Variants in PKP4 observed in about 807,000 individuals in gnomAD.
The protein encoded by PKP4 is plakophilin 4, also known as plakophilin-4.
A neutral mutation model predicts 145.1 loss-of-function variants in PKP4; 90 were observed. The ratio of observed to expected loss-of-function variants is 0.62; its 90% CI spans 0.52 to 0.74. The LOEUF is 0.74. Ranked by LOEUF, PKP4 falls within the 30% of genes least tolerant of loss-of-function variation. PKP4 has a pLI of 0.00. For synonymous variants in PKP4, 563 were observed against 577.2 expected, an observed-to-expected ratio of 0.98 and a Z score of 0.35; for missense variants, 1,340 against 1,482.7, an observed-to-expected ratio of 0.90 and a Z score of 1.58.
intron 4 of PKP4, among the ~76,000 whole-genome samples, chr2:158,603,621 ACTGT>A (rs1219552062): frequency 9.9e-5 from 15 of 152,038 alleles, no homozygotes; most frequent in Admixed American, 3.3e-4. Flanking sequence ...CATTAAGGAG[ACTGT>A]CTGTCACTTA....
rs952785747 is a variant in PKP4 at position 158,481,052 on chromosome 2, C to T, written c.-6+23834C>T. Reference sequence around the variant, plus strand: ...TATGTTGTAGCATAAATCAGTGTTTCTTTTTAAATTAATTTCTTTTTAAAA... The same window carrying T: ...TATGTTGTAGCATAAATCAGTGTTTTTTTTTAAATTAATTTCTTTTTAAAA... On this transcript the variant is annotated intron_variant, in intron 1 of 21. Transcript: ENST00000389759. Among the ~76,000 whole-genome samples the T allele has an allele frequency of 2.6e-5, 4 of 152,096 alleles. No homozygotes were observed. In the South Asian group the frequency reaches 8.3e-4, roughly 32 times the overall value.
At chr2:158,540,135 T>C (rs1444739613) in intron 2 of PKP4, among the ~76,000 whole-genome samples, 1 of 152,228 alleles carries the variant, frequency 6.6e-6, no homozygotes, top group Non-Finnish European at 1.5e-5. Context: ...CAGATGGAAC[T>C]GCTAGCAAAG....
chr2:158,671,020 T>C (rs1202138706), intron 17 of PKP4, among the ~76,000 whole-genome samples: 1 of 152,180 alleles, frequency 6.6e-6, no homozygotes, highest in Non-Finnish European at 1.5e-5. Flanking sequence ...CCTGCTTTGC[T>C]CTCTCCATAG....
chr2:158,463,862 C>T (rs1039180048), intron 1 of PKP4, among the ~76,000 whole-genome samples: 1 of 152,226 alleles, frequency 6.6e-6, no homozygotes, highest in Non-Finnish European at 1.5e-5. Context: ...TGTGACCCCT[C>T]TGTGGCTGAG....
chr2:158,634,676 G>A (rs2053660428), intron 9 of PKP4, among the ~76,000 whole-genome samples: 1 of 152,152 alleles, frequency 6.6e-6, no homozygotes, highest in Admixed American at 6.6e-5. Context: ...TCAAAAAATG[G>A]ATTTGGTTAT....
intron 7 of PKP4, among the ~76,000 whole-genome samples, chr2:158,626,380 T>A (rs2052786937): frequency 6.6e-6 from 1 of 152,212 alleles, no homozygotes; most frequent in Non-Finnish European, 1.5e-5. Context: ...TGGGACCCAT[T>A]TTTTATAGAT....
chr2:158,543,104 T>G (rs1032113389), intron 2 of PKP4, among the ~76,000 whole-genome samples: 3 of 152,190 alleles, frequency 2.0e-5, no homozygotes, highest in Non-Finnish European at 4.4e-5. Context: ...TCGTACCTTT[T>G]TCAACTTTGT....
At chr2:158,507,487 T>C (rs1439350454) in intron 1 of PKP4, among the ~76,000 whole-genome samples, 1 of 152,222 alleles carries the variant, frequency 6.6e-6, no homozygotes, top group African/African-American at 2.4e-5. Flanking sequence ...TAGCTAACTC[T>C]TTCTAATGTG....
At chr2:158,466,798 A>T (rs1313447095) in intron 1 of PKP4, among the ~76,000 whole-genome samples, 1 of 152,238 alleles carries the variant, frequency 6.6e-6, no homozygotes, top group African/African-American at 2.4e-5. Flanking sequence ...ATGAGTTTTC[A>T]TAATGCTCTT....
chr2:158,665,052 TTATATC>T (rs1310905475), intron 15 of PKP4, among the ~76,000 whole-genome samples: 1 of 152,210 alleles, frequency 6.6e-6, no homozygotes, highest in Non-Finnish European at 1.5e-5. Context: ...AATATAAACA[TTATATC>T]TAAGCGATTT....
At chr2:158,635,927 T>G (rs558528981) in intron 9 of PKP4, among the ~76,000 whole-genome samples, 4 of 21,384 alleles carry the variant, frequency 1.9e-4, no homozygotes, top group East Asian at 0.037. Flanking sequence ...TTGAAGTAAT[T>G]CACTACAAGT....
chr2:158,658,108 A>AT (rs754822766), intron 11 of PKP4, 23 bp from the exon 12 acceptor site: 4 of 1,391,620 alleles, frequency 2.9e-6, no homozygotes, highest in Non-Finnish European at 4.0e-6. Flanking sequence ...TATTTGTTTG[A>AT]TTTTTTAAAT....
rs2053620865 is a variant in PKP4 at position 158,634,159 on chromosome 2, T to G, written c.1432T>G (p.Tyr478Asp). Residue 478 changes from tyrosine (Y) to aspartate (D), a missense_variant, in exon 9 of 22, where the codon TAC becomes GAC. Coordinates refer to ENST00000389759, the MANE Select transcript of PKP4 (RefSeq NM_003628.6). ...TTATGCTCTGAACACAACAGCTACC[T>G]ACGCGGAGCCCTACAGGCCTATACA... The part of the protein sequence containing the change: ...NNYALNTTAT[Y>D]AEPYRPIQYR... 6.2e-7 allele frequency: 1 copy of G among 1,613,864 alleles called. No individual in the cohort carries two copies. The highest frequency in any genetic ancestry group is 1.1e-5 in the South Asian group (1 of 91,090).
At chr2:158,547,034 A>G (rs919736392) in intron 2 of PKP4, among the ~76,000 whole-genome samples, 8 of 152,188 alleles carry the variant, frequency 5.3e-5, no homozygotes, top group African/African-American at 7.2e-5. Context: ...TGTATCACCT[A>G]TGACCTAAGA....
At chr2:158,669,585 G>A in intron 16 of PKP4, 135 bp from the exon 17 acceptor site, 1 of 569,318 alleles carries the variant, frequency 1.8e-6, no homozygotes, top group Non-Finnish European at 2.8e-6. Context: ...TTTGCCATGG[G>A]TTTTGATTTT....
chr2:158,680,703 CT>C lies in PKP4; in HGVS notation c.*29del, dbSNP rs769112136. The C allele has an allele frequency of 6.3e-7, 1 of 1,576,458 alleles. No individual in the cohort carries two copies. Among genetic ancestry groups the C allele is most frequent in the Admixed American group, 1.9e-5 (1 of 52,828 alleles). ...CATCAAGATGCCCAACAGAGGAACT[CT>C]TTCTTTCTAACCTTGTTCAGATTGA... is the stretch of plus-strand genomic sequence containing the variant. On this transcript the variant is annotated 3_prime_UTR_variant, in exon 22 of 22. Transcript: ENST00000389759.
chr2:158,621,050 A>G lies in PKP4; in HGVS notation c.341A>G (p.Tyr114Cys), dbSNP rs374185784. 32 of 1,614,058 alleles carry G rather than the reference A, an allele frequency of 2.0e-5. No homozygotes were observed. In the African/African-American group the frequency reaches 3.3e-4, roughly 17 times the overall value. The stretch of plus-strand genomic sequence containing the variant: ...TCTGACGCTGTCCAGCCCAACAACT[A>G]TCTCATCAGGACAGAGCCAGAACAA... ...RVSDAVQPNN[Y>C]LIRTEPEQGT... Residue 114 changes from tyrosine to cysteine, a missense_variant, in exon 5 of 22, where the codon TAT (tyrosine) becomes TGT (cysteine). Physicochemically the swap from Tyr to Cys is radical, Grantham distance 194 (BLOSUM62 -2). Coordinates refer to ENST00000389759, the MANE Select transcript of PKP4 (RefSeq NM_003628.6).
chr2:158,626,024 G>C (rs566960159), intron 7 of PKP4, among the ~76,000 whole-genome samples: 3 of 152,256 alleles, frequency 2.0e-5, no homozygotes, highest in African/African-American at 4.8e-5. Context: ...AGGGTTTTTC[G>C]TGGAGGGTTT....
intron 1 of PKP4, among the ~76,000 whole-genome samples, chr2:158,466,132 A>G (rs1467662221): frequency 2.0e-5 from 3 of 152,172 alleles, no homozygotes; most frequent in Admixed American, 6.5e-5. Flanking sequence ...TTATCTTTCT[A>G]CAGGACTTAA....
Sources: gnomAD v4.1 joint callset for allele counts (sites outside exome capture counted in the v4.1 genomes callset) on GRCh38, gnomAD v4.1.1 for gene constraint, MANE v1.5 for transcripts, NCBI Gene and HGNC (gene_info 2026-07-23, HGNC 2026-07-21) for gene names.